SOX6: variants seen among roughly 807,000 people sequenced by gnomAD.
SOX6 encodes the protein transcription factor SOX-6.
Under a neutral mutation model 97.8 loss-of-function variants are expected in SOX6, and 11 were observed. The ratio of observed to expected loss-of-function variants is 0.11; its 90% CI spans 0.07 to 0.19. SOX6 has a LOEUF of 0.19. Among genes scored for constraint, SOX6 ranks in the 10% least tolerant of loss-of-function variants. The pLI, the probability that SOX6 is intolerant of heterozygous loss-of-function variation, is 1.00. For synonymous variants in SOX6, 360 were observed against 371.4 expected (o/e 0.97, Z 0.35); for missense variants, 810 against 1,039.5 (o/e 0.78, Z 3.04).
chr11:16,266,610 A>G (rs984165327), intron 3 of SOX6, among the ~76,000 whole-genome samples: 19 of 151,756 alleles, frequency 1.3e-4, no homozygotes, highest in African/African-American at 4.6e-4. Context: ...GATTTATAAG[A>G]TAAGTAGAAT....
At chr11:16,230,568 A>C (rs1294668609) in intron 4 of SOX6, among the ~76,000 whole-genome samples, 1 of 151,860 alleles carries the variant, frequency 6.6e-6, no homozygotes, top group Non-Finnish European at 1.5e-5. Flanking sequence ...AGAATTATTG[A>C]GAGACATAAA....
intron 3 of SOX6, among the ~76,000 whole-genome samples, chr11:16,277,355 G>A (rs1282558660): frequency 6.6e-6 from 1 of 152,054 alleles, no homozygotes; most frequent in African/African-American, 2.4e-5. Context: ...GGAGAAGACA[G>A]AGATCTTCAA....
intron 3 of SOX6, among the ~76,000 whole-genome samples, chr11:16,240,502 T>C (rs999119899): frequency 1.3e-5 from 2 of 152,038 alleles, no homozygotes; most frequent in South Asian, 2.1e-4. Context: ...ATTTTTTTCA[T>C]AGGCATTCCT....
intron 6 of SOX6, among the ~76,000 whole-genome samples, chr11:16,177,412 A>G (rs1028347283): frequency 6.6e-6 from 1 of 151,952 alleles, no homozygotes; most frequent in Admixed American, 6.6e-5. Flanking sequence ...CCAAGTACCT[A>G]ATTACTATTT....
chr11:16,629,870 A>T (rs1467553555), intron 3 of SOX6, among the ~76,000 whole-genome samples: 1 of 151,992 alleles, frequency 6.6e-6, no homozygotes, highest in Non-Finnish European at 1.5e-5. Flanking sequence ...TCTAGATTTG[A>T]TAGTTTGTGT....
chr11:16,686,657 C>T (rs990090842), intron 3 of SOX6, among the ~76,000 whole-genome samples: 3 of 152,296 alleles, frequency 2.0e-5, no homozygotes, highest in East Asian at 3.9e-4. Context: ...TAAACTTTCC[C>T]TCATTTTCCT....
intron 3 of SOX6, among the ~76,000 whole-genome samples, chr11:16,612,577 CG>C (rs545800806): frequency 3.2e-5 from 1 of 31,406 alleles, no homozygotes; most frequent in Non-Finnish European, 6.0e-5. Flanking sequence ...CACATTGAGG[CG>C]GGGGGGCGGG....
At chr11:16,109,380 T>C (rs976920439) in intron 7 of SOX6, among the ~76,000 whole-genome samples, 26 of 152,028 alleles carry the variant, frequency 1.7e-4, no homozygotes, top group African/African-American at 6.0e-4. Flanking sequence ...TTTTAATCTT[T>C]TTAGAGACAA....
intron 12 of SOX6, among the ~76,000 whole-genome samples, chr11:16,038,917 T>C (rs1855584269): frequency 6.6e-6 from 1 of 152,160 alleles, no homozygotes; most frequent in Non-Finnish European, 1.5e-5. Flanking sequence ...AGGTACATTC[T>C]TAGGTATGTC....
chr11:16,054,271 A>G (rs996487513), intron 10 of SOX6, among the ~76,000 whole-genome samples: 1 of 152,162 alleles, frequency 6.6e-6, no homozygotes, highest in Non-Finnish European at 1.5e-5. Flanking sequence ...GATGTTTGAT[A>G]TACTCATACT....
At chr11:16,178,853 G>T (rs1334680314) in intron 6 of SOX6, among the ~76,000 whole-genome samples, 1 of 151,938 alleles carries the variant, frequency 6.6e-6, no homozygotes, top group East Asian at 1.9e-4. Context: ...GACTATGTGG[G>T]ATTGAAGTCA....
chr11:16,155,034 G>A (rs1850560959), intron 6 of SOX6, among the ~76,000 whole-genome samples: 1 of 151,600 alleles, frequency 6.6e-6, no homozygotes, highest in Admixed American at 6.6e-5. Context: ...GTGGAGTGTG[G>A]GTCAGACTGA....
At chr11:16,074,444 T>A (rs1848301066) in intron 9 of SOX6, among the ~76,000 whole-genome samples, 1 of 152,066 alleles carries the variant, frequency 6.6e-6, no homozygotes, top group Non-Finnish European at 1.5e-5. Flanking sequence ...ATTGAATCAG[T>A]AATAAAAAGC....
intron 1 of SOX6, among the ~76,000 whole-genome samples, chr11:16,433,247 T>C (rs1402959757): frequency 6.6e-6 from 1 of 151,990 alleles, no homozygotes; most frequent in Non-Finnish European, 1.5e-5. Flanking sequence ...ATTCGTTATT[T>C]TTCCATTCTC....
chr11:16,226,114 T>G (rs921212897), intron 4 of SOX6, among the ~76,000 whole-genome samples: 1 of 152,122 alleles, frequency 6.6e-6, no homozygotes, highest in African/African-American at 2.4e-5. Flanking sequence ...GGGAATCATT[T>G]GTAGAATTTT....
chr11:16,279,381 A>T (rs1261471595), intron 3 of SOX6, among the ~76,000 whole-genome samples: 2 of 152,112 alleles, frequency 1.3e-5, no homozygotes, highest in Non-Finnish European at 2.9e-5. Flanking sequence ...ATATAGGGTA[A>T]ATCAATAATT....
chr11:16,397,003 A>T (rs10832601), intron 1 of SOX6, among the ~76,000 whole-genome samples: 24,396 of 151,262 alleles, frequency 0.16, 2,362 homozygotes, highest in East Asian at 0.31. Flanking sequence ...GTTTTTGTTA[A>T]CTAGACATCT....
At chr11:16,461,405 G>A (rs1157030427) in intron 1 of SOX6, among the ~76,000 whole-genome samples, 1 of 152,026 alleles carries the variant, frequency 6.6e-6, no homozygotes, top group African/African-American at 2.4e-5. Flanking sequence ...GGACTATTTG[G>A]TTGTGATGGT....
At chr11:16,189,476 T>C (rs1164320660) in intron 4 of SOX6, among the ~76,000 whole-genome samples, 2 of 151,960 alleles carry the variant, frequency 1.3e-5, no homozygotes, top group African/African-American at 4.8e-5. Flanking sequence ...GTTTGGTGTG[T>C]TCCAGAAATT....
Sources: allele counts gnomAD v4.1 joint callset (sites outside exome capture counted in the v4.1 genomes callset), GRCh38; gene constraint gnomAD v4.1.1; transcripts MANE v1.5; gene names NCBI Gene and HGNC (gene_info 2026-07-23, HGNC 2026-07-21).